The following MYO19 variants were observed in gnomAD, a reference collection of about 807,000 sequenced individuals.
MYO19 encodes the protein myosin XIX, also known as unconventional myosin-XIX.
A neutral mutation model predicts 129.2 loss-of-function variants in MYO19; 132 were observed. The observed-to-expected ratio is 1.02, with a 90% CI of 0.89 to 1.18. The LOEUF is 1.18. Among genes scored for constraint, MYO19 ranks in the 50% most tolerant of loss-of-function variants. The pLI is 0.00. For synonymous variants in MYO19, 531 were observed against 477.2 expected (o/e 1.11, Z -1.47); for missense variants, 1,210 against 1,216.7 (o/e 0.99, Z 0.08).
upstream of MYO19, chr17:36,538,581 C>T (rs1599479827): frequency 6.2e-7 from 1 of 1,612,414 alleles, no homozygotes; most frequent in South Asian, 1.1e-5. Context: ...TGTATATGTA[C>T]TATATTTGCA....
intron 6 of MYO19, among the ~76,000 whole-genome samples, chr17:36,516,993 G>C (rs776645836): frequency 1.3e-5 from 2 of 152,156 alleles, no homozygotes; most frequent in African/African-American, 2.4e-5. Context: ...AGCTTTCTCT[G>C]TGGGAGGGCT....
chr17:36,540,656 C>T lies in MYO19; in HGVS notation n.395+1425G>A, dbSNP rs961887979. Among the ~76,000 whole-genome samples the T allele has an allele frequency of 2.5e-4, 38 of 152,130 alleles. 1 individual carries two copies. The highest frequency in any genetic ancestry group is 8.7e-4 in the African/African-American group (36 of 41,422). ...AAAGTGCTGGGATATAGGCATGAGC[C>T]ACCGCACCCAACCAGGTGTGTTTAT... On this transcript the variant is annotated intron_variant and non_coding_transcript_variant, in intron 2 of 2. Coordinates refer to the MYO19 transcript ENST00000610496.
chr17:36,498,737 A>C (rs2071230231), intron 24 of MYO19, 178 bp from the exon 25 acceptor site: 1 of 660,594 alleles, frequency 1.5e-6, no homozygotes, highest in African/African-American at 1.8e-5. Context: ...TATACACCCC[A>C]GGCAACTGTG....
chr17:36,537,926 C>T (rs1225527541), upstream of MYO19: 1 of 1,613,952 alleles, frequency 6.2e-7, no homozygotes, highest in Non-Finnish European at 8.5e-7. Flanking sequence ...ACCAGCTAGC[C>T]CTTGACTTTA....
chr17:36,530,337 T>C (rs1401753163), intron 3 of MYO19, among the ~76,000 whole-genome samples: 1 of 151,768 alleles, frequency 6.6e-6, no homozygotes, highest in Non-Finnish European at 1.5e-5. Context: ...TTCTGTAAAA[T>C]GGGATAATGG....
Position 36,527,662 on chromosome 17 carries a change from T to C in MYO19, c.189A>G (p.Thr63=), listed in dbSNP as rs761069705. ...RCLQARYMAD[T]FYTNAGCTLV... is the part of the protein sequence containing the mutation. Reference sequence around the variant, plus strand: ...GGGTGCAGCCAGCATTGGTGTAGAATGTGTCTGCCATGTACCGGGCCTGCA... The same window carrying C: ...GGGTGCAGCCAGCATTGGTGTAGAACGTGTCTGCCATGTACCGGGCCTGCA... The change falls in exon 5 of 26, where the codon ACA becomes ACG. Residue 63 remains threonine, a synonymous_variant. Coordinates refer to ENST00000614623, the MANE Select transcript of MYO19 (RefSeq NM_001163735.2). The C allele has an allele frequency of 2.1e-5, 34 of 1,613,814 alleles. No individual in the cohort carries two copies. In the South Asian group the frequency reaches 2.6e-4, roughly 13 times the overall value.
chr17:36,504,221 G>A (rs2071725982), intron 19 of MYO19: 1 of 514,842 alleles, frequency 1.9e-6, no homozygotes, highest in Non-Finnish European at 3.4e-6. Flanking sequence ...AAAGGGTCCT[G>A]GTGGTCCCAA....
intron 23 of MYO19, chr17:36,499,654 C>CTGTTTCTT (rs2071331722): frequency 1.4e-5 from 1 of 73,100 alleles, no homozygotes; most frequent in African/African-American, 6.0e-5. Flanking sequence ...TATTCTTTTT[C>CTGTTTCTT]TTTTTGTTTC....
chr17:36,511,020 C>A, intron 12 of MYO19, 103 bp from the exon 13 acceptor site: 6 of 1,311,142 alleles, frequency 4.6e-6, no homozygotes, highest in Non-Finnish European at 6.2e-6. Context: ...CCCAACTGGA[C>A]AGAAGAAACC....
At chr17:36,499,265 C>CA in intron 23 of MYO19, 105 bp from the exon 24 acceptor site, 1 of 712,606 alleles carries the variant, frequency 1.4e-6, no homozygotes, top group Admixed American at 2.9e-5. Flanking sequence ...GTTTCAAATA[C>CA]GTTTTTTTTT....
intron 7 of MYO19, 72 bp from the exon 8 acceptor site, chr17:36,515,254 G>A (rs2072663891): frequency 1.5e-6 from 2 of 1,370,296 alleles, no homozygotes; most frequent in Non-Finnish European, 2.0e-6. Context: ...GTGGCTGCAG[G>A]TCTCTGGAGG....
chr17:36,528,505 T>C (rs915463796), intron 3 of MYO19, among the ~76,000 whole-genome samples: 85 of 145,784 alleles, frequency 5.8e-4, no homozygotes, highest in Middle Eastern at 6.9e-3. Context: ...AGCAAGACTC[T>C]GTCTCAAAAA....
At chr17:36,498,069 C>A in intron 25 of MYO19, 197 bp downstream of exon 25, 1 of 575,850 alleles carries the variant, frequency 1.7e-6, no homozygotes, top group Non-Finnish European at 3.0e-6. Context: ...AGATAAAGGG[C>A]TCTGGAAGAT....
upstream of MYO19, chr17:36,538,350 C>G (rs1400263762): frequency 1.9e-6 from 3 of 1,614,022 alleles, no homozygotes; most frequent in African/African-American, 2.7e-5. Flanking sequence ...TATCCAGTCA[C>G]CTGTTACAAA....
chr17:36,538,384 T>C (rs2074172597), upstream of MYO19: 1 of 1,614,002 alleles, frequency 6.2e-7, no homozygotes, highest in African/African-American at 1.3e-5. Flanking sequence ...GAATCTCTAG[T>C]CCCTGAAGCC....
At chr17:36,540,681 T>G (rs1403670580) in intron 2 of MYO19, among the ~76,000 whole-genome samples, 1 of 152,156 alleles carries the variant, frequency 6.6e-6, no homozygotes, top group African/African-American at 2.4e-5. Context: ...GGTGTGTTTA[T>G]TTTTGACAGA....
At chr17:36,511,982 T>C (rs922754482) in intron 11 of MYO19, among the ~76,000 whole-genome samples, 7 of 152,110 alleles carry the variant, frequency 4.6e-5, no homozygotes, top group African/African-American at 9.7e-5. Context: ...TTGTACTCAA[T>C]GTTCCACACC....
intron 6 of MYO19, among the ~76,000 whole-genome samples, chr17:36,523,414 C>T (rs1567780059): frequency 6.6e-6 from 1 of 151,972 alleles, no homozygotes; most frequent in Non-Finnish European, 1.5e-5. Flanking sequence ...ATTTGCTTGC[C>T]AGTTTGACAG....
intron 13 of MYO19, among the ~76,000 whole-genome samples, chr17:36,510,366 G>T (rs796385592): frequency 2.0e-5 from 3 of 152,322 alleles, no homozygotes; most frequent in African/African-American, 7.2e-5. Context: ...AGACAGAGAG[G>T]CCCATTCAGC....
Sources: allele counts gnomAD v4.1 joint callset (sites outside exome capture counted in the v4.1 genomes callset), GRCh38; gene constraint gnomAD v4.1.1; transcripts MANE v1.5; gene names NCBI Gene and HGNC (gene_info 2026-07-23, HGNC 2026-07-21).